Variants in MARCHF1 observed in about 807,000 individuals in gnomAD.
MARCHF1 encodes the protein E3 ubiquitin-protein ligase MARCHF1.
A neutral mutation model predicts 54.2 loss-of-function variants in MARCHF1; 40 were observed. The observed-to-expected ratio is 0.74, with a 90% CI of 0.57 to 0.96. The LOEUF is 0.96. MARCHF1 is among the 40% of genes least tolerant of loss of function. The pLI is 0.00. For synonymous variants in MARCHF1, 236 were observed against 236.3 expected (o/e 1.00, Z 0.01); for missense variants, 586 against 656.5 (o/e 0.89, Z 1.17).
intron 3 of MARCHF1, among the ~76,000 whole-genome samples, chr4:163,891,070 C>A (rs2111270147): frequency 6.6e-6 from 1 of 152,170 alleles, no homozygotes. Flanking sequence ...CAAAAGCAAG[C>A]TTTAGAGCCC....
In MARCHF1 at chr4:164,241,686, G is replaced by A. The variant is rs12511040; in HGVS notation, c.-322-130024C>T. ...TCCCAGCGTGAGCTACGCAGAAGAC[G>A]GGTGATTTCTGCATTTCCATCTGAG... On this transcript the variant is annotated intron_variant, in intron 1 of 9. Coordinates refer to ENST00000514618, the MANE Select transcript of MARCHF1 (RefSeq NM_001394959.1). Among the ~76,000 whole-genome samples the A allele has an allele frequency of 6.4e-3, 974 of 152,292 alleles. 15 individuals carry two copies. The highest frequency in any genetic ancestry group is 0.027 in the Admixed American group (416 of 15,302).
chr4:163,719,989 C>G (rs1217325933), intron 4 of MARCHF1, among the ~76,000 whole-genome samples: 2 of 152,174 alleles, frequency 1.3e-5, no homozygotes, highest in Non-Finnish European at 2.9e-5. Flanking sequence ...CCTGTTCACT[C>G]TGATGATAGT....
chr4:163,663,600 A>G (rs1743426228), intron 5 of MARCHF1, among the ~76,000 whole-genome samples: 1 of 151,916 alleles, frequency 6.6e-6, no homozygotes, highest in African/African-American at 2.4e-5. Context: ...CTGGCAAGGG[A>G]GCTGAAGCTT....
chr4:163,880,642 T>C (rs978474844), intron 3 of MARCHF1, among the ~76,000 whole-genome samples: 1 of 151,888 alleles, frequency 6.6e-6, no homozygotes, highest in African/African-American at 2.4e-5. Flanking sequence ...ATATATGAAG[T>C]AGGAAGGTTT....
chr4:164,302,868 TAAAAAAA>T (rs70952621), intron 1 of MARCHF1, among the ~76,000 whole-genome samples: 245 of 114,232 alleles, frequency 2.1e-3, no homozygotes, highest in African/African-American at 7.2e-3. Context: ...GAGACTGTCT[TAAAAAAA>T]AAAAAAAAAA....
chr4:163,933,108 G>C, intron 3 of MARCHF1: 1 of 1,230,180 alleles, frequency 8.1e-7, no homozygotes, highest in Non-Finnish European at 1.2e-6. Flanking sequence ...GGCTTTTGAT[G>C]AGGCCATTGC....
chr4:163,816,189 A>G (rs1328195659), intron 4 of MARCHF1, among the ~76,000 whole-genome samples: 1 of 152,246 alleles, frequency 6.6e-6, no homozygotes, highest in African/African-American at 2.4e-5. Context: ...GTTTGTAATT[A>G]CATTTAAACT....
rs1211022390 is a variant in MARCHF1 at position 164,356,950 on chromosome 4, T to C, written c.-323+26920A>G. On this transcript the variant is annotated intron_variant, in intron 1 of 9. Transcript: ENST00000514618. ...GAGAACAACAGACACTGGGGCCTAC[T>C]TGTCTGGGCCCCAGTGGGTGGAGGG... Among the ~76,000 whole-genome samples, 3 of 151,570 alleles carry C rather than the reference T, an allele frequency of 2.0e-5. No homozygotes were observed. In the East Asian group the frequency reaches 5.9e-4, roughly 30 times the overall value.
At chr4:164,192,252 GATTAT>G (rs1731143088) in intron 1 of MARCHF1, among the ~76,000 whole-genome samples, 1 of 152,076 alleles carries the variant, frequency 6.6e-6, no homozygotes, top group Admixed American at 6.5e-5. Flanking sequence ...GGAATTTGTT[GATTAT>G]ATTTTAAAAC....
intron 3 of MARCHF1, among the ~76,000 whole-genome samples, chr4:163,946,403 A>C (rs1200674047): frequency 6.6e-6 from 1 of 152,112 alleles, no homozygotes; most frequent in African/African-American, 2.4e-5. Context: ...ATCTCTCTAT[A>C]GTCCTGATTT....
chr4:163,718,603 T>G (rs1745338632), intron 4 of MARCHF1, among the ~76,000 whole-genome samples: 1 of 152,236 alleles, frequency 6.6e-6, no homozygotes, highest in South Asian at 2.1e-4. Context: ...CAAACAGTCA[T>G]TATGTTTCAG....
chr4:164,349,540 C>T (rs1385099949), intron 1 of MARCHF1, among the ~76,000 whole-genome samples: 2 of 151,996 alleles, frequency 1.3e-5, no homozygotes, highest in African/African-American at 4.8e-5. Flanking sequence ...TACTTATTTT[C>T]TAGTATTTGT....
intron 8 of MARCHF1, among the ~76,000 whole-genome samples, chr4:163,565,434 G>A (rs1205961043): frequency 2.0e-5 from 3 of 152,192 alleles, no homozygotes; most frequent in Admixed American, 6.5e-5. Flanking sequence ...CCTTGACAAC[G>A]TGGGTTAGTT....
chr4:163,759,877 G>A (rs891976507), intron 4 of MARCHF1, among the ~76,000 whole-genome samples: 1 of 152,110 alleles, frequency 6.6e-6, no homozygotes, highest in Non-Finnish European at 1.5e-5. Flanking sequence ...TAAAGCTGAT[G>A]TGAGCACACA....
At chr4:163,575,200 G>A (rs1225453731) in intron 8 of MARCHF1, among the ~76,000 whole-genome samples, 1 of 151,984 alleles carries the variant, frequency 6.6e-6, no homozygotes, top group African/African-American at 2.4e-5. Flanking sequence ...TTATTATTTT[G>A]AGATATGTCC....
chr4:163,931,569 C>T (rs1331934981), intron 3 of MARCHF1, among the ~76,000 whole-genome samples: 1 of 152,110 alleles, frequency 6.6e-6, no homozygotes, highest in Admixed American at 6.6e-5. Context: ...ATACTAGTCC[C>T]TAAATCTTGG....
At chr4:164,093,611 G>T (rs1204849425) in intron 2 of MARCHF1, among the ~76,000 whole-genome samples, 2 of 152,134 alleles carry the variant, frequency 1.3e-5, no homozygotes, top group African/African-American at 4.8e-5. Context: ...GAACCCAGGA[G>T]AAATGGAATA....
rs550824673 is a variant in MARCHF1 at position 163,618,947 on chromosome 4, C to T, written c.163-5554G>A. On this transcript the variant is annotated intron_variant, in intron 5 of 9. Transcript: ENST00000514618. ...AATGTCAGCTTCCCAGAGAAGGAGA[C>T]GCCTGTCCAACACAAGGTGAGTGTG... Among the ~76,000 whole-genome samples the T allele has an allele frequency of 6.8e-3, 1,030 of 152,138 alleles. 2 individuals are homozygous for T. The highest frequency in any genetic ancestry group is 0.01 in the Non-Finnish European group (705 of 68,018).
At chr4:164,340,916 CAAAAAAAA>C (rs35543676) in intron 1 of MARCHF1, among the ~76,000 whole-genome samples, 2 of 96,318 alleles carry the variant, frequency 2.1e-5, no homozygotes, top group Non-Finnish European at 4.8e-5. Flanking sequence ...GAGGGCACTA[CAAAAAAAA>C]AAAAAAAAAA....
Sources: allele counts gnomAD v4.1 joint callset (sites outside exome capture counted in the v4.1 genomes callset), GRCh38; gene constraint gnomAD v4.1.1; transcripts MANE v1.5; gene names NCBI Gene and HGNC (gene_info 2026-07-23, HGNC 2026-07-21).